MTUS2: variants seen among roughly 807,000 people sequenced by gnomAD.
MTUS2 encodes the protein microtubule-associated tumor suppressor candidate 2.
In MTUS2, 40 loss-of-function variants were observed where a neutral mutation model predicts 114.1. The observed-to-expected ratio is 0.35, with a 90% CI of 0.27 to 0.46. The LOEUF is 0.46. Among genes scored for constraint, MTUS2 ranks in the 20% least tolerant of loss-of-function variants. The pLI, the probability that MTUS2 is intolerant of heterozygous loss-of-function variation, is 1.00. For synonymous variants in MTUS2, 688 were observed against 672.0 expected (o/e 1.02, Z -0.37); for missense variants, 1,679 against 1,705.4 (o/e 0.98, Z 0.27).
intron 6 of MTUS2, among the ~76,000 whole-genome samples, chr13:29,293,491 G>GT (rs1215260144): frequency 6.6e-6 from 1 of 152,108 alleles, no homozygotes; most frequent in African/African-American, 2.4e-5. Flanking sequence ...TGTAGTGTTA[G>GT]TGAGAATATA....
intron 8 of MTUS2, among the ~76,000 whole-genome samples, chr13:29,378,459 A>G (rs764060461): frequency 6.6e-6 from 1 of 152,040 alleles, no homozygotes; most frequent in African/African-American, 2.4e-5. Flanking sequence ...TGCAGTGCTG[A>G]TTTGAAGTGA....
At chr13:29,347,816 A>G (rs745392231) in intron 7 of MTUS2, among the ~76,000 whole-genome samples, 28 of 152,194 alleles carry the variant, frequency 1.8e-4, no homozygotes, top group Admixed American at 2.0e-4. Flanking sequence ...AATCTCCTCC[A>G]TAAGTTGAAT....
At position 29,350,575 on chromosome 13, in the gene MTUS2, C is replaced by A. The variant is rs115202758; in HGVS notation, c.2906-8687C>A. 4.6e-3 allele frequency among the ~76,000 whole-genome samples: 706 copies of A among 151,920 alleles called. 6 individuals are homozygous for A. The highest frequency in any genetic ancestry group is 0.016 in the African/African-American group (660 of 41,402). On this transcript the variant is annotated intron_variant, in intron 7 of 15. Coordinates refer to ENST00000612955, the MANE Select transcript of MTUS2 (RefSeq NM_001033602.4). The stretch of plus-strand genomic sequence containing the variant: ...ACCCAAGATCATCTTCTTCTTAATA[C>A]GTAATATAAGATAGTCATGAGAGTG...
intron 9 of MTUS2, among the ~76,000 whole-genome samples, chr13:29,473,413 C>A (rs1041088219): frequency 1.3e-4 from 20 of 152,174 alleles, no homozygotes; most frequent in African/African-American, 4.1e-4. Flanking sequence ...ATCTTACTCG[C>A]TGAGTGTTCT....
At chr13:29,322,168 T>C (rs1900281654) in intron 6 of MTUS2, among the ~76,000 whole-genome samples, 1 of 152,256 alleles carries the variant, frequency 6.6e-6, no homozygotes. Context: ...TGGAAAACAC[T>C]GAAAGGCTAA....
intron 5 of MTUS2, among the ~76,000 whole-genome samples, chr13:29,175,071 A>G (rs372791867): frequency 1.3e-4 from 20 of 152,208 alleles, no homozygotes; most frequent in Admixed American, 1.2e-3. Flanking sequence ...AGGATCTGAG[A>G]ATCTTATTCT....
Position 29,110,881 on chromosome 13 carries a change from G to A in MTUS2, c.2644+9911G>A, listed in dbSNP as rs1344459004. 4.6e-5 allele frequency among the ~76,000 whole-genome samples: 7 copies of A among 152,150 alleles called. No individual in the cohort carries two copies. In the South Asian group the frequency reaches 1.0e-3, roughly 23 times the overall value. Reference sequence around the variant, plus strand: ...GTTTAATGAAGAAAAGATACCTGGAGCTATGGAAATCGTATTTTAGAAAAG... The same window carrying A: ...GTTTAATGAAGAAAAGATACCTGGAACTATGGAAATCGTATTTTAGAAAAG... On this transcript the variant is annotated intron_variant, in intron 5 of 15. Transcript: ENST00000612955.
At chr13:28,932,174 C>T (rs895799470) in intron 2 of MTUS2, among the ~76,000 whole-genome samples, 6 of 152,110 alleles carry the variant, frequency 3.9e-5, no homozygotes, top group Non-Finnish European at 8.8e-5. Context: ...AAATGGTCTC[C>T]CTTGAGAGGC....
At chr13:29,314,588 T>C (rs1899909333) in intron 6 of MTUS2, among the ~76,000 whole-genome samples, 1 of 152,080 alleles carries the variant, frequency 6.6e-6, no homozygotes, top group African/African-American at 2.4e-5. Context: ...AATGTAAATA[T>C]CAAGAAGTAG....
chr13:29,016,798 A>T (rs1886086104), intron 2 of MTUS2, among the ~76,000 whole-genome samples: 1 of 152,248 alleles, frequency 6.6e-6, no homozygotes, highest in East Asian at 1.9e-4. Context: ...AGCAGGCTCC[A>T]GAGAGCTATT....
At chr13:29,141,964 A>T (rs951245740) in intron 5 of MTUS2, among the ~76,000 whole-genome samples, 2 of 150,254 alleles carry the variant, frequency 1.3e-5, no homozygotes, top group Non-Finnish European at 3.0e-5. Flanking sequence ...GGTTCACACC[A>T]TTCTACTGCC....
intron 8 of MTUS2, among the ~76,000 whole-genome samples, chr13:29,385,014 C>A (rs772630035): frequency 1.3e-5 from 2 of 152,120 alleles, no homozygotes; most frequent in Non-Finnish European, 2.9e-5. Flanking sequence ...TTTGTCTGTT[C>A]GTTACATTTG....
intron 5 of MTUS2, among the ~76,000 whole-genome samples, chr13:29,174,900 G>A (rs1255196133): frequency 6.6e-6 from 1 of 152,112 alleles, no homozygotes; most frequent in Non-Finnish European, 1.5e-5. Context: ...CCTGTGCCTG[G>A]CCAACATCTT....
At chr13:29,455,982 A>G (rs1259164015) in intron 9 of MTUS2, among the ~76,000 whole-genome samples, 4 of 152,144 alleles carry the variant, frequency 2.6e-5, no homozygotes, top group Admixed American at 2.6e-4. Flanking sequence ...CCCTGTCTCA[A>G]AATAAAAATA....
chr13:29,227,892 T>C (rs959175040), intron 5 of MTUS2, among the ~76,000 whole-genome samples: 3 of 152,242 alleles, frequency 2.0e-5, no homozygotes, highest in African/African-American at 7.2e-5. Flanking sequence ...TAAAGTCTTA[T>C]ATGTCTTCCA....
At chr13:29,160,415 G>A (rs773795085) in intron 5 of MTUS2, among the ~76,000 whole-genome samples, 22 of 152,164 alleles carry the variant, frequency 1.4e-4, no homozygotes, top group Non-Finnish European at 2.8e-4. Flanking sequence ...CATGAATTAT[G>A]TTATCAGTAA....
chr13:29,065,417 A>G (rs1342556289), intron 4 of MTUS2, among the ~76,000 whole-genome samples: 1 of 152,074 alleles, frequency 6.6e-6, no homozygotes, highest in Non-Finnish European at 1.5e-5. Flanking sequence ...TGTTGACCTC[A>G]TGTATGCCTT....
intron 6 of MTUS2, among the ~76,000 whole-genome samples, chr13:29,315,990 G>A (rs1899972450): frequency 6.6e-6 from 1 of 152,176 alleles, no homozygotes; most frequent in Non-Finnish European, 1.5e-5. Flanking sequence ...TGGGTTGCAG[G>A]TGTCAAAGAA....
At chr13:28,847,000 A>T (rs2138012539) in intron 2 of MTUS2, among the ~76,000 whole-genome samples, 1 of 152,340 alleles carries the variant, frequency 6.6e-6, no homozygotes, top group South Asian at 2.1e-4. Flanking sequence ...TACTTGGTGA[A>T]TCAATGAGGA....
Sources: allele counts gnomAD v4.1 joint callset (sites outside exome capture counted in the v4.1 genomes callset), GRCh38; gene constraint gnomAD v4.1.1; transcripts MANE v1.5; gene names NCBI Gene and HGNC (gene_info 2026-07-23, HGNC 2026-07-21).